Variants in RP1L1 observed in about 807,000 individuals in gnomAD.
The protein encoded by RP1L1 is retinitis pigmentosa 1-like 1 protein.
RP1L1 carries 27 observed loss-of-function variants against 15.7 expected under a neutral mutation model. The observed-to-expected ratio is 1.72, with a 90% CI of 1.27 to 2.38. The LOEUF (loss-of-function observed/expected upper bound fraction) is 2.38, where lower values mean the gene tolerates loss of function less well. Among genes scored for constraint, RP1L1 ranks in the 30% most tolerant of loss-of-function variants. The probability of loss-of-function intolerance (pLI) is 0.00; values close to 1 mark genes in which losing one functional copy is unlikely to be tolerated. For synonymous variants in RP1L1, 1,813 were observed against 1,276.7 expected, an observed-to-expected ratio of 1.42 and a Z score of -8.96; for missense variants, 4,798 against 3,075.9, an observed-to-expected ratio of 1.56 and a Z score of -13.24.
chr8:10,620,921 C>G (rs1400315880), intron 2 of RP1L1, among the ~76,000 whole-genome samples: 1 of 152,182 alleles, frequency 6.6e-6, no homozygotes, highest in African/African-American at 2.4e-5. Flanking sequence ...GGTCACTCTG[C>G]TGAGTACATA....
Position 10,622,819 on chromosome 8 carries a change from T to C in RP1L1, c.383A>G (p.Gln128Arg), listed in dbSNP as rs764488019. ...RPQERNPTAQ[Q>R]LRDVEGQREA... is the part of the protein sequence containing the mutation. Reference sequence around the variant, plus strand: ...ACGCTGGCCTTCGACATCCCGCAACTGCTGAGCAGTGGGGTTTCTCTCCTG... The same window carrying C: ...ACGCTGGCCTTCGACATCCCGCAACCGCTGAGCAGTGGGGTTTCTCTCCTG... The change falls in exon 2 of 4, where the codon CAG (glutamine) becomes CGG (arginine). Residue 128 changes from glutamine to arginine, a missense_variant. Transcript: ENST00000382483. The C allele has an allele frequency of 6.2e-7, 1 of 1,613,482 alleles. No homozygotes were observed. Among genetic ancestry groups the C allele is most frequent in the Non-Finnish European group, 8.5e-7 (1 of 1,179,720 alleles).
chr8:10,607,002 C>T lies in RP1L1; in HGVS notation c.7096G>A (p.Ala2366Thr). The change falls in exon 4 of 4, where the codon GCC becomes ACC. Residue 2366 changes from alanine to threonine, a missense_variant. Ala to Thr is a moderately conservative substitution (Grantham distance 58, BLOSUM62 0). Coordinates refer to ENST00000382483, the MANE Select transcript of RP1L1 (RefSeq NM_178857.6). ...PLGSRTPEQG[A>T]SEGYDLQEDQ... ...TCTTGTAGGTCATAACCTTCACTGG[C>T]CCCCTGCTCTGGAGTCCTTGAGCCC... 6.2e-7 allele frequency: 1 copy of T among 1,614,208 alleles called. No homozygotes were observed. The highest frequency in any genetic ancestry group is 1.1e-5 in the South Asian group (1 of 91,082).
intron 1 of RP1L1, among the ~76,000 whole-genome samples, chr8:10,629,700 C>T (rs541357993): frequency 6.6e-6 from 1 of 152,232 alleles, no homozygotes; most frequent in East Asian, 1.9e-4. Context: ...CTAGAGATGG[C>T]CACTCCCACG....
At position 10,612,445 on chromosome 8, in the gene RP1L1, C is replaced by A. The variant is rs993859687; in HGVS notation, c.1653G>T (p.Arg551=). 3 of 1,612,622 alleles carry A rather than the reference C, an allele frequency of 1.9e-6. No homozygotes were observed. The highest frequency in any genetic ancestry group is 2.7e-5 in the African/African-American group (2 of 75,072). ...TTGCCTTGCCTGGACAGCCCTGGGG[C>A]CGCCCACCCCATTCGCTGGATCCCT... ...SHEGSSEWGG[R]PQGCPGKARA... The change falls in exon 4 of 4, where the codon CGG becomes CGT. Residue 551 remains arginine (R), a synonymous_variant. Transcript: ENST00000382483.
chr8:10,649,116 C>T (rs1038404110), intron 1 of RP1L1, among the ~76,000 whole-genome samples: 1 of 152,228 alleles, frequency 6.6e-6, no homozygotes, highest in Non-Finnish European at 1.5e-5. Context: ...AGAAAATTCC[C>T]GGATTCACCA....
chr8:10,611,462 C>G lies in RP1L1; in HGVS notation c.2636G>C (p.Ser879Thr). 3 of 1,570,124 alleles carry G rather than the reference C, an allele frequency of 1.9e-6. No homozygotes were observed. The highest frequency in any genetic ancestry group is 2.6e-6 in the Non-Finnish European group (3 of 1,159,986). Residue 879 changes from serine to threonine, a missense_variant, in exon 4 of 4, where the codon AGC becomes ACC. By Grantham distance (58) the Ser-to-Thr change is moderately conservative. Coordinates refer to ENST00000382483, the MANE Select transcript of RP1L1 (RefSeq NM_178857.6). Reference protein sequence around the residue: ...SCGSTGSSHQSTARGPGGSPQ... With the variant: ...SCGSTGSSHQTTARGPGGSPQ... Reference sequence around the variant, plus strand: ...GCTCCCACCTGGCCCCCGGGCAGTGCTTTGGTGGCTGCTGCCGGTGCTCCC... The same window carrying G: ...GCTCCCACCTGGCCCCCGGGCAGTGGTTTGGTGGCTGCTGCCGGTGCTCCC...
chr8:10,625,513 G>T (rs927836807), intron 1 of RP1L1, among the ~76,000 whole-genome samples: 1 of 151,926 alleles, frequency 6.6e-6, no homozygotes, highest in African/African-American at 2.4e-5. Context: ...ATGGGGTGGG[G>T]GTGGGGTGTG....
chr8:10,613,585 G>C (rs1797916722), intron 3 of RP1L1, among the ~76,000 whole-genome samples: 1 of 117,122 alleles, frequency 8.5e-6, no homozygotes, highest in Non-Finnish European at 1.7e-5. Flanking sequence ...ACAACTTAGT[G>C]AGACACCATC....
intron 1 of RP1L1, among the ~76,000 whole-genome samples, chr8:10,624,124 A>G (rs1798119781): frequency 6.6e-6 from 1 of 152,202 alleles, no homozygotes; most frequent in African/African-American, 2.4e-5. Flanking sequence ...TTCTTGGAAG[A>G]GGCATCACCT....
intron 1 of RP1L1, among the ~76,000 whole-genome samples, chr8:10,631,329 A>G (rs1354295973): frequency 1.7e-5 from 1 of 58,254 alleles, no homozygotes; most frequent in Non-Finnish European, 4.9e-5. Context: ...ACACGCACAC[A>G]CACATGCACA....
chr8:10,620,080 G>A (rs1189083253), intron 2 of RP1L1, among the ~76,000 whole-genome samples: 6 of 151,968 alleles, frequency 3.9e-5, no homozygotes, highest in Non-Finnish European at 5.9e-5. Context: ...TTTCTCTGGC[G>A]ACTAAGACAC....
At chr8:10,640,791 C>G (rs1798395635) in intron 1 of RP1L1, among the ~76,000 whole-genome samples, 1 of 151,822 alleles carries the variant, frequency 6.6e-6, no homozygotes, top group Non-Finnish European at 1.5e-5. Context: ...GAGACAGGGT[C>G]TTTGAAACAG....
At chr8:10,623,298 A>C in intron 1 of RP1L1, 78 bp from the exon 2 acceptor site, 4 of 1,103,496 alleles carry the variant, frequency 3.6e-6, no homozygotes, top group Non-Finnish European at 5.1e-6. Context: ...GTCTTTCTAG[A>C]GGTGCTTCCT....
chr8:10,648,522 T>C (rs1798513308), intron 1 of RP1L1, among the ~76,000 whole-genome samples: 1 of 152,192 alleles, frequency 6.6e-6, no homozygotes, highest in Non-Finnish European at 1.5e-5. Context: ...GCAGTGTGTG[T>C]TCCAGCACGG....
chr8:10,617,589 A>G (rs192786751), intron 2 of RP1L1, among the ~76,000 whole-genome samples: 1 of 107,010 alleles, frequency 9.3e-6, no homozygotes, highest in Non-Finnish European at 1.7e-5. Context: ...CGGAGTCTCG[A>G]TCTGTCACCC....
At chr8:10,650,587 C>A (rs908061564) in intron 1 of RP1L1, among the ~76,000 whole-genome samples, 10 of 150,254 alleles carry the variant, frequency 6.7e-5, no homozygotes, top group Admixed American at 3.3e-4. Context: ...GAGGGAGTCT[C>A]GCTCTGTCGT....
intron 1 of RP1L1, among the ~76,000 whole-genome samples, chr8:10,633,643 C>T (rs990464693): frequency 2.6e-5 from 4 of 152,080 alleles, no homozygotes; most frequent in Non-Finnish European, 5.9e-5. Context: ...GTTCTGTGGT[C>T]ATCATTTGAG....
chr8:10,607,974 G>C lies in RP1L1; in HGVS notation c.6124C>G (p.Gln2042Glu), dbSNP rs768322665. ...EEAQEVEGET[Q>E]KTEGDAQPES... is the part of the protein sequence containing the mutation. The stretch of plus-strand genomic sequence containing the variant: ...GGCTGGGCATCCCCTTCTGTCTTCT[G>C]GGTCTCCCCTTCAACCTCCTGGGCC... Residue 2042 changes from glutamine to glutamate, a missense_variant, in exon 4 of 4, where the codon CAG becomes GAG. By Grantham distance (29) the Gln-to-Glu change is conservative. Transcript: ENST00000382483. 1.2e-6 allele frequency: 2 copies of C among 1,612,014 alleles called. No individual in the cohort carries two copies. The highest frequency in any genetic ancestry group is 3.3e-5 in the Admixed American group (2 of 59,872).
intron 1 of RP1L1, among the ~76,000 whole-genome samples, chr8:10,648,134 C>T (rs949703204): frequency 4.6e-5 from 7 of 151,910 alleles, no homozygotes; most frequent in African/African-American, 7.3e-5. Flanking sequence ...TGGGTTCAAG[C>T]GATTCTCCTG....
Sources: allele counts gnomAD v4.1 joint callset (sites outside exome capture counted in the v4.1 genomes callset), GRCh38; gene constraint gnomAD v4.1.1; transcripts MANE v1.5; gene names NCBI Gene and HGNC (gene_info 2026-07-23, HGNC 2026-07-21).